KIF26B: variants seen among roughly 807,000 people sequenced by gnomAD.
The protein encoded by KIF26B is kinesin-like protein KIF26B.
KIF26B carries 63 observed loss-of-function variants against 151.2 expected under a neutral mutation model. The observed-to-expected ratio is 0.42, with a 90% confidence interval of 0.34 to 0.51. The LOEUF is 0.51. KIF26B is among the 20% of genes least tolerant of loss of function. KIF26B has a pLI of 0.07. For synonymous variants in KIF26B, 1,357 were observed against 1,262.1 expected (o/e 1.08, Z -1.59); for missense variants, 2,813 against 2,913.6 (o/e 0.97, Z 0.79).
chr1:245,666,375 A>C (rs1013707695), intron 10 of KIF26B, among the ~76,000 whole-genome samples: 1 of 152,168 alleles, frequency 6.6e-6, no homozygotes, highest in Admixed American at 6.5e-5. Flanking sequence ...TGTATTTTGA[A>C]TAAAGAAATG....
chr1:245,263,887 G>A (rs952137632), intron 2 of KIF26B, among the ~76,000 whole-genome samples: 2 of 152,172 alleles, frequency 1.3e-5, no homozygotes, highest in African/African-American at 4.8e-5. Flanking sequence ...GTCATCTTGT[G>A]GTCCGTTCTG....
chr1:245,469,643 G>T (rs1659866761), intron 4 of KIF26B, among the ~76,000 whole-genome samples: 1 of 152,164 alleles, frequency 6.6e-6, no homozygotes. Context: ...GTATCTGGTA[G>T]CCTCTTCAAG....
At chr1:245,374,376 T>C (rs1673222807) in intron 3 of KIF26B, among the ~76,000 whole-genome samples, 1 of 151,730 alleles carries the variant, frequency 6.6e-6, no homozygotes, top group African/African-American at 2.4e-5. Flanking sequence ...CAGAAGCGTG[T>C]GTTCTAGTAT....
At chr1:245,243,445 T>TACACAC (rs781534382) in intron 2 of KIF26B, among the ~76,000 whole-genome samples, 19 of 146,140 alleles carry the variant, frequency 1.3e-4, no homozygotes, top group East Asian at 8.1e-4. Context: ...CATATATATA[T>TACACAC]ATACACACAC....
chr1:245,332,003 G>C (rs1672124592), intron 2 of KIF26B, among the ~76,000 whole-genome samples: 1 of 152,178 alleles, frequency 6.6e-6, no homozygotes, highest in African/African-American at 2.4e-5. Flanking sequence ...GTGGGTGCCT[G>C]TAGTCTCAGC....
chr1:245,354,244 C>T (rs549410187), intron 2 of KIF26B, among the ~76,000 whole-genome samples: 61 of 152,282 alleles, frequency 4.0e-4, no homozygotes, highest in African/African-American at 1.3e-3. Flanking sequence ...TTTGCCTTAT[C>T]GTGGCTTTTG....
chr1:245,497,046 G>A (rs561007880), intron 4 of KIF26B, among the ~76,000 whole-genome samples: 5 of 151,932 alleles, frequency 3.3e-5, no homozygotes, highest in South Asian at 2.1e-4. Flanking sequence ...GCAACTACTC[G>A]GGAGGTTGAG....
chr1:245,267,436 C>G (rs1670766472), intron 2 of KIF26B, among the ~76,000 whole-genome samples: 1 of 152,142 alleles, frequency 6.6e-6, no homozygotes, highest in African/African-American at 2.4e-5. Flanking sequence ...GAGGCACAAC[C>G]CTGTGAGTGC....
In KIF26B at chr1:245,602,787, G is replaced by A. The variant is rs771884770; in HGVS notation, c.1557+4G>A. 2 of 1,612,814 alleles carry A rather than the reference G, an allele frequency of 1.2e-6. No individual in the cohort carries two copies. The highest frequency in any genetic ancestry group is 1.7e-5 in the Admixed American group (1 of 60,000). On this transcript the variant is annotated splice_donor_region_variant and intron_variant, in intron 6 of 14. Coordinates refer to ENST00000407071, the MANE Select transcript of KIF26B (RefSeq NM_018012.4). The surrounding 1 kb of genome is among the most constrained non-coding windows in gnomAD (Gnocchi z 4.5). ...TTTTCCACAAGACGCTTCTCAGGTG[G>A]GTATCAGCCCCCTCTCAGGCTCAGG... is the stretch of plus-strand genomic sequence containing the variant.
At chr1:245,174,503 T>TGTATATAC (rs10666741) in intron 2 of KIF26B, among the ~76,000 whole-genome samples, 2 of 150,248 alleles carry the variant, frequency 1.3e-5, no homozygotes, top group Non-Finnish European at 3.0e-5. Context: ...TATGTACTTA[T>TGTATATAC]TTATTTATTT....
rs765668614 is a variant in KIF26B at position 245,685,816 on chromosome 1, T to C, written c.2833T>C (p.Phe945Leu). ...CGACGGCAGCGAGGAGCCCAGCAGC[T>C]TTCCTTTCGAAGAACTGCCTGCTCA... is the stretch of plus-strand genomic sequence containing the variant. ...CIDGSEEPSS[F>L]PFEELPAQFG... is the part of the protein sequence containing the mutation. The change falls in exon 12 of 15, where the codon TTT becomes CTT. Residue 945 changes from phenylalanine to leucine, a missense_variant. Physicochemically the swap from Phe to Leu is conservative, Grantham distance 22. Around this residue, in one of 3 missense-constraint regions of KIF26B, gnomAD observed 2,060 missense variants for 2,088.6 expected, o/e 0.99. Coordinates refer to ENST00000407071, the MANE Select transcript of KIF26B (RefSeq NM_018012.4). 1 of 1,610,774 alleles carries C rather than the reference T, an allele frequency of 6.2e-7. No individual in the cohort carries two copies. The highest frequency in any genetic ancestry group is 8.5e-7 in the Non-Finnish European group (1 of 1,178,364).
rs2043348452 is a variant in KIF26B at position 245,597,649 on chromosome 1, A to G, written c.1351-4928A>G. Among the ~76,000 whole-genome samples the G allele has an allele frequency of 6.6e-6, 1 of 151,930 alleles. No individual in the cohort carries two copies. Among genetic ancestry groups the G allele is most frequent in the Non-Finnish European group, 1.5e-5 (1 of 67,992 alleles). On this transcript the variant is annotated intron_variant, in intron 5 of 14. Transcript: ENST00000407071. The surrounding 1 kb of genome is among the most constrained non-coding windows in gnomAD (Gnocchi z 4.6). ...GAGGAGTATCTTTTTGGTGTTCTCT[A>G]TATATTCTGAATTTAAATGTTGGCC... is the stretch of plus-strand genomic sequence containing the variant.
At chr1:245,249,740 C>T (rs978780540) in intron 2 of KIF26B, among the ~76,000 whole-genome samples, 1 of 152,118 alleles carries the variant, frequency 6.6e-6, no homozygotes, top group African/African-American at 2.4e-5. Flanking sequence ...TCCTAGGCCT[C>T]CCAGAGTGTT....
chr1:245,522,099 G>A (rs778704141), intron 4 of KIF26B, among the ~76,000 whole-genome samples: 1 of 152,098 alleles, frequency 6.6e-6, no homozygotes, highest in Non-Finnish European at 1.5e-5. Flanking sequence ...TCGATCTCCT[G>A]ACCTCATGAT....
intron 4 of KIF26B, among the ~76,000 whole-genome samples, chr1:245,507,499 A>G (rs1660748257): frequency 6.6e-6 from 1 of 152,176 alleles, no homozygotes; most frequent in African/African-American, 2.4e-5. Flanking sequence ...TTGGATGTGA[A>G]CCACCTTGGG....
At chr1:245,193,740 CA>C (rs1189802008) in intron 2 of KIF26B, among the ~76,000 whole-genome samples, 1 of 152,198 alleles carries the variant, frequency 6.6e-6, no homozygotes, top group African/African-American at 2.4e-5. Context: ...AGCCCATGTT[CA>C]AACCTGAGTC....
intron 2 of KIF26B, among the ~76,000 whole-genome samples, chr1:245,159,135 G>A (rs564131519): frequency 7.2e-5 from 11 of 152,254 alleles, no homozygotes; most frequent in South Asian, 2.1e-4. Context: ...CGCTCAGTTC[G>A]CTCTGAAGAG....
At chr1:245,586,842 C>T (rs1230215491) in intron 5 of KIF26B, among the ~76,000 whole-genome samples, 1 of 150,640 alleles carries the variant, frequency 6.6e-6, no homozygotes, top group South Asian at 2.1e-4. Context: ...GCCGAGATTG[C>T]GCCACTGCAG....
chr1:245,224,154 G>A (rs149882474), intron 2 of KIF26B, among the ~76,000 whole-genome samples: 1,817 of 152,128 alleles, frequency 0.012, 15 homozygotes, highest in Middle Eastern at 0.024. Flanking sequence ...GTGTGGTGGC[G>A]CGTGCCTGTA....
Sources: allele counts gnomAD v4.1 joint callset (sites outside exome capture counted in the v4.1 genomes callset), GRCh38; gene constraint gnomAD v4.1.1; regional missense constraint gnomAD v4.1.1; non-coding constraint Gnocchi (gnomAD v3.1); transcripts MANE v1.5; gene names NCBI Gene and HGNC (gene_info 2026-07-23, HGNC 2026-07-21).